The following HHAT variants were observed in gnomAD, a reference collection of about 807,000 sequenced individuals.
HHAT encodes protein-cysteine N-palmitoyltransferase HHAT.
HHAT carries 47 observed loss-of-function variants against 70.8 expected under a neutral mutation model. The ratio of observed to expected loss-of-function variants is 0.66; its 90% CI spans 0.53 to 0.85. The LOEUF (loss-of-function observed/expected upper bound fraction) is 0.85, where lower values mean the gene tolerates loss of function less well. Among genes scored for constraint, HHAT ranks in the 40% least tolerant of loss-of-function variants. HHAT has a pLI of 0.00. For synonymous variants in HHAT, 228 were observed against 247.6 expected, an observed-to-expected ratio of 0.92 and a Z score of 0.74; for missense variants, 609 against 604.8, an observed-to-expected ratio of 1.01 and a Z score of -0.07.
At chr1:210,416,436 T>C (rs921358903) in intron 6 of HHAT, among the ~76,000 whole-genome samples, 2 of 152,260 alleles carry the variant, frequency 1.3e-5, no homozygotes, top group African/African-American at 2.4e-5. Flanking sequence ...CATTGTGAGA[T>C]CCAGAAAACT....
chr1:210,557,423 A>AC (rs958575888), intron 9 of HHAT, among the ~76,000 whole-genome samples: 17 of 152,130 alleles, frequency 1.1e-4, no homozygotes, highest in African/African-American at 3.9e-4. Flanking sequence ...GACGATCAGA[A>AC]CCTAAGTTGC....
At chr1:210,362,829 G>A (rs774055550) in intron 2 of HHAT, 23 bp from the exon 3 acceptor site, 8 of 1,600,796 alleles carry the variant, frequency 5.0e-6, no homozygotes, top group South Asian at 3.3e-5. Context: ...TGTGACTAAC[G>A]AAGACTTTTT....
At chr1:210,450,018 G>A (rs2093717158) in intron 7 of HHAT, among the ~76,000 whole-genome samples, 1 of 152,168 alleles carries the variant, frequency 6.6e-6, no homozygotes, top group Admixed American at 6.5e-5. Flanking sequence ...ATATGGGCTT[G>A]GCGTGGTGGC....
At chr1:210,663,378 C>T (rs188994000) in intron 11 of HHAT, among the ~76,000 whole-genome samples, 129 of 152,302 alleles carry the variant, frequency 8.5e-4, no homozygotes, top group Middle Eastern at 6.8e-3. Context: ...CAGCAACGTT[C>T]ACCATGTGAC....
In HHAT at chr1:210,328,964, C is replaced by T. The variant is rs1384680326; in HGVS notation, c.-184C>T. The T allele has an allele frequency of 8.5e-6, 11 of 1,291,454 alleles. No individual in the cohort carries two copies. The highest frequency in any genetic ancestry group is 1.1e-5 in the Non-Finnish European group (11 of 1,006,608). 80.0% of individuals were successfully genotyped at this position (1,291,454 alleles called of 1,614,324 possible). A position where few individuals can be genotyped will look rare whatever the true frequency, so the allele number is the denominator to read the frequency against. On this transcript the variant is annotated 5_prime_UTR_variant, in exon 1 of 12. Coordinates refer to ENST00000261458, the MANE Select transcript of HHAT (RefSeq NM_018194.6). ...TGCGCTGCTCCTCCAAAGGGCAGCT[C>T]CGGGGGAAAGAGGGTGGCGTCCCGG...
At chr1:210,453,669 C>T (rs2093801712) in intron 7 of HHAT, among the ~76,000 whole-genome samples, 1 of 152,096 alleles carries the variant, frequency 6.6e-6, no homozygotes, top group African/African-American at 2.4e-5. Context: ...TTCTTTTAAA[C>T]CAGGTTGACA....
chr1:210,488,246 A>G (rs1572784133), intron 8 of HHAT, among the ~76,000 whole-genome samples: 1 of 152,100 alleles, frequency 6.6e-6, no homozygotes, highest in East Asian at 1.9e-4. Context: ...AGATTCCCTC[A>G]TCTCCTTCAA....
intron 9 of HHAT, among the ~76,000 whole-genome samples, chr1:210,580,659 G>T (rs1247273883): frequency 6.6e-6 from 1 of 152,024 alleles, no homozygotes; most frequent in Admixed American, 6.6e-5. Context: ...TCCCTGCAAA[G>T]GACATGATCT....
chr1:210,474,822 G>GTT (rs71743746), intron 8 of HHAT, among the ~76,000 whole-genome samples: 2,067 of 142,242 alleles, frequency 0.015, 61 homozygotes, highest in African/African-American at 0.05. Context: ...CACCTCAGGT[G>GTT]TTTTTTTTTT....
intron 9 of HHAT, among the ~76,000 whole-genome samples, chr1:210,531,857 G>A (rs995608723): frequency 5.9e-5 from 9 of 152,216 alleles, no homozygotes; most frequent in African/African-American, 2.2e-4. Context: ...ATGTGAAAAG[G>A]CTTGCTTAGT....
intron 4 of HHAT, among the ~76,000 whole-genome samples, chr1:210,398,689 T>G (rs1170394747): frequency 2.0e-4 from 30 of 152,228 alleles, no homozygotes; most frequent in Non-Finnish European, 1.5e-5. Context: ...TAGCCACACA[T>G]GCACAAAAAA....
intron 7 of HHAT, among the ~76,000 whole-genome samples, chr1:210,450,499 T>A (rs901767757): frequency 3.3e-5 from 5 of 151,050 alleles, no homozygotes; most frequent in Admixed American, 1.3e-4. Context: ...ATCTTATTTT[T>A]AAAAAAATTT....
At chr1:210,551,247 A>G (rs1390408857) in intron 9 of HHAT, among the ~76,000 whole-genome samples, 1 of 148,778 alleles carries the variant, frequency 6.7e-6, no homozygotes. Context: ...GCCCGCTGCA[A>G]AGCCCAGGGA....
At chr1:210,668,199 T>A (rs1679335730) in intron 11 of HHAT, among the ~76,000 whole-genome samples, 1 of 152,238 alleles carries the variant, frequency 6.6e-6, no homozygotes. Flanking sequence ...GTTCTGCTTA[T>A]CCATTCATTT....
At chr1:210,538,966 A>G (rs1264293514) in intron 9 of HHAT, among the ~76,000 whole-genome samples, 1 of 152,148 alleles carries the variant, frequency 6.6e-6, no homozygotes, top group Non-Finnish European at 1.5e-5. Flanking sequence ...AATCCCAACT[A>G]TTCAGGAGGC....
intron 11 of HHAT, among the ~76,000 whole-genome samples, chr1:210,641,844 G>A (rs953730177): frequency 6.6e-6 from 1 of 152,142 alleles, no homozygotes; most frequent in Non-Finnish European, 1.5e-5. Context: ...CGTAGGCAAT[G>A]CTGCTTCTGC....
At chr1:210,473,071 AG>A (rs2094234352) in intron 8 of HHAT, among the ~76,000 whole-genome samples, 1 of 152,236 alleles carries the variant, frequency 6.6e-6, no homozygotes, top group Admixed American at 6.5e-5. Flanking sequence ...AGATCAGAAA[AG>A]GACCTGGAAA....
chr1:210,380,433 T>C (rs1254130203), intron 3 of HHAT, among the ~76,000 whole-genome samples: 1 of 152,016 alleles, frequency 6.6e-6, no homozygotes, highest in East Asian at 1.9e-4. Context: ...TCCAACTTCT[T>C]GGGAGCTGAA....
intron 10 of HHAT, 75 bp downstream of exon 10, chr1:210,588,174 C>G (rs1660900752): frequency 3.2e-6 from 4 of 1,250,482 alleles, no homozygotes; most frequent in Non-Finnish European, 3.3e-6. Context: ...ATGGGGCCAT[C>G]AGATTCCCTG....
Sources: gnomAD v4.1 joint callset for allele counts (sites outside exome capture counted in the v4.1 genomes callset) on GRCh38, gnomAD v4.1.1 for gene constraint, MANE v1.5 for transcripts, NCBI Gene and HGNC (gene_info 2026-07-23, HGNC 2026-07-21) for gene names.